TENM1: variants seen among roughly 807,000 people sequenced by gnomAD.
TENM1 encodes the protein teneurin-1.
TENM1 carries 35 observed loss-of-function variants against 174.8 expected under a neutral mutation model. That is an observed-to-expected ratio of 0.20 (90% CI 0.15 to 0.27). The LOEUF (loss-of-function observed/expected upper bound fraction) is 0.27, where lower values mean the gene tolerates loss of function less well. Ranked by LOEUF, TENM1 falls within the 10% of genes least tolerant of loss-of-function variation. TENM1 has a pLI of 1.00. For synonymous variants in TENM1, 781 were observed against 798.7 expected (o/e 0.98, Z 0.37); for missense variants, 1,633 against 2,130.1 (o/e 0.77, Z 4.59).
the TENM1 span, among the ~76,000 whole-genome samples, chrX:125,015,857 G>A: frequency 9.0e-6 from 1 of 111,326 alleles, no homozygotes; most frequent in Non-Finnish European, 1.9e-5. Flanking sequence ...TTGGGCCTCG[G>A]TTTCAAAAAT....
chrX:124,516,701 G>C (rs770530421), intron 18 of TENM1, among the ~76,000 whole-genome samples: 4 of 112,133 alleles, frequency 3.6e-5, no homozygotes, highest in African/African-American at 6.5e-5. Flanking sequence ...ATTAAACACT[G>C]TTGGTGGGAG....
chrX:125,006,902 C>T, the TENM1 span, among the ~76,000 whole-genome samples: 1 of 111,793 alleles, frequency 8.9e-6, no homozygotes, highest in Non-Finnish European at 1.9e-5. Flanking sequence ...AAGGTAGATA[C>T]ATCCACAAAG....
chrX:124,420,880 C>T (rs930748718), intron 24 of TENM1, 59 bp from the exon 28 acceptor site: 1 of 1,056,188 alleles, frequency 9.5e-7, no homozygotes, highest in Non-Finnish European at 1.3e-6. Context: ...ATGAACATAC[C>T]ACAGACATAA....
chrX:124,643,464 G>A (rs1204707489), intron 10 of TENM1, among the ~76,000 whole-genome samples: 1 of 111,492 alleles, frequency 9.0e-6, no homozygotes, highest in Non-Finnish European at 1.9e-5. Flanking sequence ...TTGCCACCAC[G>A]TAGCAATGTG....
At chrX:124,506,462 T>C (rs999663219) in intron 18 of TENM1, among the ~76,000 whole-genome samples, 1 of 105,828 alleles carries the variant, frequency 9.4e-6, no homozygotes. Flanking sequence ...CACAATTATA[T>C]TACTTTTTTT....
At chrX:124,555,413 C>G (rs994632684) in intron 14 of TENM1, among the ~76,000 whole-genome samples, 1 of 111,718 alleles carries the variant, frequency 9.0e-6, no homozygotes, top group Non-Finnish European at 1.9e-5. Context: ...AAATATATAG[C>G]TATGAGGGAT....
At chrX:124,994,951 A>G in the TENM1 span, among the ~76,000 whole-genome samples, 1 of 111,051 alleles carries the variant, frequency 9.0e-6, no homozygotes, top group Non-Finnish European at 1.9e-5. Flanking sequence ...TAATGTTCGT[A>G]AAGGCCCTAT....
At chrX:124,755,715 C>T (rs2054215527) in intron 3 of TENM1, among the ~76,000 whole-genome samples, 1 of 109,252 alleles carries the variant, frequency 9.2e-6, no homozygotes, top group African/African-American at 3.4e-5. Context: ...ATTTGCTTGT[C>T]TGTAAAGTAT....
chrX:124,671,719 T>A, exon 6 of TENM1: 1 of 1,208,605 alleles, frequency 8.3e-7, no homozygotes. Context: ...TTTCCTCCAA[T>A]TGGAGAGTAA....
At chrX:125,196,883 T>C in the TENM1 span, among the ~76,000 whole-genome samples, 4 of 111,787 alleles carry the variant, frequency 3.6e-5, no homozygotes, top group South Asian at 1.5e-3. Flanking sequence ...ATCTGCAGTA[T>C]CTCTTTCTAA....
At chrX:124,408,470 G>C (rs2060488726) in intron 25 of TENM1, among the ~76,000 whole-genome samples, 1 of 111,133 alleles carries the variant, frequency 9.0e-6, no homozygotes, top group Non-Finnish European at 1.9e-5. Context: ...TTCTCCCAAG[G>C]TAGAGGAGGC....
At chrX:124,737,491 GA>G (rs2053702658) in intron 3 of TENM1, among the ~76,000 whole-genome samples, 1 of 112,072 alleles carries the variant, frequency 8.9e-6, no homozygotes, top group African/African-American at 3.2e-5. Flanking sequence ...TTCTGCTACT[GA>G]ACAAATAAAT....
intron 3 of TENM1, among the ~76,000 whole-genome samples, chrX:124,751,594 ACT>A (rs1440972992): frequency 9.5e-6 from 1 of 104,983 alleles, no homozygotes; most frequent in African/African-American, 3.4e-5. Context: ...GCACCCACTA[ACT>A]CGTCATTTAG....
chrX:124,663,947 C>G (rs960515189), intron 6 of TENM1, among the ~76,000 whole-genome samples: 2 of 111,169 alleles, frequency 1.8e-5, no homozygotes, highest in African/African-American at 6.5e-5. Flanking sequence ...TTTGTTAAAA[C>G]TGAAGTATAT....
At chrX:124,474,891 C>T (rs1281841787) in intron 22 of TENM1, among the ~76,000 whole-genome samples, 2 of 112,120 alleles carry the variant, frequency 1.8e-5, no homozygotes. Flanking sequence ...CAGAAACCCC[C>T]CCTAAATGAA....
intron 3 of TENM1, among the ~76,000 whole-genome samples, chrX:124,775,299 C>G (rs1398180534): frequency 2.1e-5 from 2 of 93,398 alleles, no homozygotes; most frequent in Non-Finnish European, 4.1e-5. Flanking sequence ...GAGCAAGACT[C>G]CGTCAAAAAA....
At chrX:125,005,189 T>TAC in the TENM1 span, among the ~76,000 whole-genome samples, 1,525 of 88,730 alleles carry the variant, frequency 0.017, 23 homozygotes, top group African/African-American at 0.03. Flanking sequence ...GATGTATACA[T>TAC]ACACACACAC....
chrX:124,648,770 T>C (rs1386620922), intron 8 of TENM1, among the ~76,000 whole-genome samples: 1 of 112,267 alleles, frequency 8.9e-6, no homozygotes, highest in African/African-American at 3.2e-5. Context: ...AAAATAAGTA[T>C]AGTTGAATTT....
At chrX:124,628,031 T>G (rs2050677388) in intron 11 of TENM1, among the ~76,000 whole-genome samples, 1 of 111,475 alleles carries the variant, frequency 9.0e-6, no homozygotes, top group East Asian at 2.8e-4. Flanking sequence ...TCTTAGGAAA[T>G]ATAAATATAT....
Sources: allele counts gnomAD v4.1 joint callset (sites outside exome capture counted in the v4.1 genomes callset), GRCh38; gene constraint gnomAD v4.1.1; transcripts MANE v1.5; gene names NCBI Gene and HGNC (gene_info 2026-07-23, HGNC 2026-07-21).